Variants in RIT2 observed in about 807,000 individuals in gnomAD.
The protein encoded by RIT2 is Ras like without CAAX 2.
Under a neutral mutation model 23.7 loss-of-function variants are expected in RIT2, and 24 were observed. That is an observed-to-expected ratio of 1.01 (90% CI 0.73 to 1.43). The LOEUF is 1.43. RIT2 is among the 40% of genes most tolerant of loss of function. The pLI, the probability that RIT2 is intolerant of heterozygous loss-of-function variation, is 0.00. For synonymous variants in RIT2, 107 were observed against 91.1 expected, an observed-to-expected ratio of 1.17 and a Z score of -0.99; for missense variants, 236 against 266.9, an observed-to-expected ratio of 0.88 and a Z score of 0.81.
chr18:42,777,132 G>T (rs992695984), intron 4 of RIT2, among the ~76,000 whole-genome samples: 1 of 152,044 alleles, frequency 6.6e-6, no homozygotes, highest in South Asian at 2.1e-4. Context: ...TGAATAATGT[G>T]CTATTTACTG....
intron 1 of RIT2, among the ~76,000 whole-genome samples, chr18:43,096,184 C>T (rs1354125800): frequency 2.0e-5 from 3 of 151,854 alleles, no homozygotes; most frequent in Non-Finnish European, 4.4e-5. Flanking sequence ...AAGAAATCCA[C>T]GAAAGCACAT....
intron 1 of RIT2, among the ~76,000 whole-genome samples, chr18:43,042,445 AC>A (rs1394086761): frequency 6.6e-6 from 1 of 151,978 alleles, no homozygotes; most frequent in Non-Finnish European, 1.5e-5. Context: ...TTTCAGTAAC[AC>A]CCTTTCCCAA....
rs192677193 is a variant in RIT2, at chr18:43,105,579, A to G, written c.103+9838T>C. On this transcript the variant is annotated intron_variant, in intron 1 of 4. Coordinates refer to ENST00000326695, the MANE Select transcript of RIT2 (RefSeq NM_002930.4). Reference sequence around the variant, plus strand: ...ATATAATCTATAGTTTTTATTTAGTATTTTCCAATGTCATCTACCCAGCAA... The same window carrying G: ...ATATAATCTATAGTTTTTATTTAGTGTTTTCCAATGTCATCTACCCAGCAA... Among the ~76,000 whole-genome samples, 106 of 150,436 alleles carry G rather than the reference A, an allele frequency of 7.0e-4. 1 individual carries two copies. The highest frequency in any genetic ancestry group is 2.7e-3 in the Admixed American group (40 of 14,878).
At chr18:42,758,497 T>TTC (rs1913219047) in intron 4 of RIT2, among the ~76,000 whole-genome samples, 1 of 151,496 alleles carries the variant, frequency 6.6e-6, no homozygotes. Context: ...CTTTTTTTTT[T>TTC]TGATAACCCT....
At chr18:42,980,789 A>G (rs1408207803) in intron 2 of RIT2, among the ~76,000 whole-genome samples, 6 of 152,094 alleles carry the variant, frequency 3.9e-5, no homozygotes, top group African/African-American at 1.4e-4. Flanking sequence ...GGAAGATGTC[A>G]TTTTAAACAA....
intron 4 of RIT2, among the ~76,000 whole-genome samples, chr18:42,886,659 T>C (rs923999253): frequency 6.8e-4 from 103 of 152,330 alleles, no homozygotes; most frequent in African/African-American, 2.3e-3. Context: ...GGCAGATTAT[T>C]TTGTAGCACA....
At chr18:43,064,549 T>G (rs796679735) in intron 1 of RIT2, among the ~76,000 whole-genome samples, 15 of 152,184 alleles carry the variant, frequency 9.9e-5, no homozygotes, top group African/African-American at 3.4e-4. Context: ...GGCAGACAGG[T>G]CTCCATAAAA....
chr18:42,876,506 C>T (rs1250501970), intron 4 of RIT2, among the ~76,000 whole-genome samples: 1 of 151,758 alleles, frequency 6.6e-6, no homozygotes, highest in Non-Finnish European at 1.5e-5. Context: ...TGCCTCTTTG[C>T]TCTCCTTGGT....
Position 42,992,309 on chromosome 18 carries a change from G to A in RIT2, c.161-18162C>T, listed in dbSNP as rs144671464. ...CAAATAGCCAGAAAACAGCACTTTCGTTTTTTCCATCCTAGAAGATCTAAA... is the reference window on the plus strand; with the variant it reads ...CAAATAGCCAGAAAACAGCACTTTCATTTTTTCCATCCTAGAAGATCTAAA... On this transcript the variant is annotated intron_variant, in intron 2 of 4. Transcript: ENST00000326695. Among the ~76,000 whole-genome samples, 47 of 152,086 alleles carry A rather than the reference G, an allele frequency of 3.1e-4. 1 individual carries two copies. Among genetic ancestry groups the A allele is most frequent in the African/African-American group, 6.5e-4 (27 of 41,406 alleles).
chr18:43,094,122 T>TG (rs1555657835), intron 1 of RIT2, among the ~76,000 whole-genome samples: 1 of 85,646 alleles, frequency 1.2e-5, no homozygotes, highest in South Asian at 3.9e-4. Flanking sequence ...GGGTTTTTTT[T>TG]GTTTTTTTTT....
chr18:42,961,494 T>C (rs1910092447), intron 3 of RIT2, among the ~76,000 whole-genome samples: 1 of 152,204 alleles, frequency 6.6e-6, no homozygotes, highest in Admixed American at 6.5e-5. Flanking sequence ...ACTCTAGTAC[T>C]ATCCTCTGAT....
At chr18:42,992,253 CTTG>C (rs957133185) in intron 2 of RIT2, among the ~76,000 whole-genome samples, 5 of 152,186 alleles carry the variant, frequency 3.3e-5, no homozygotes, top group Admixed American at 2.6e-4. Context: ...TACAATGTCA[CTTG>C]ACCCCAATAC....
chr18:42,843,073 T>C (rs543868042), intron 4 of RIT2, among the ~76,000 whole-genome samples: 1 of 152,312 alleles, frequency 6.6e-6, no homozygotes, highest in East Asian at 1.9e-4. Context: ...CTTCTAAGCA[T>C]TGGGAATATA....
intron 1 of RIT2, among the ~76,000 whole-genome samples, chr18:43,075,127 A>C (rs1436206870): frequency 6.6e-6 from 1 of 152,204 alleles, no homozygotes; most frequent in Non-Finnish European, 1.5e-5. Context: ...TAAATTATTT[A>C]TTATTTTGAG....
Position 42,943,322 on chromosome 18 carries a change from A to G in RIT2, c.235-19559T>C, listed in dbSNP as rs117602572. Among the ~76,000 whole-genome samples the G allele has an allele frequency of 3.3e-4, 50 of 152,148 alleles. No individual in the cohort carries two copies. The East Asian group carries it at 7.8e-3, about 24-fold the overall frequency. On this transcript the variant is annotated intron_variant, in intron 3 of 4. Transcript: ENST00000326695. ...GCATTTTCCAATCCTCTTGCTAGCT[A>G]TGGAGCACTGATTGGTGTGTTTTTA...
chr18:43,000,612 C>T (rs72899249), intron 2 of RIT2, among the ~76,000 whole-genome samples: 7,068 of 151,980 alleles, frequency 0.047, 207 homozygotes, highest in Middle Eastern at 0.14. Flanking sequence ...GAGAAAGGGA[C>T]GTGGTGGGAG....
intron 4 of RIT2, among the ~76,000 whole-genome samples, chr18:42,837,870 C>T (rs2144019504): frequency 6.6e-6 from 1 of 152,118 alleles, no homozygotes; most frequent in South Asian, 2.1e-4. Flanking sequence ...TTTCTGTCTA[C>T]ACAGTACCAA....
chr18:42,975,742 C>A (rs1458837320), intron 2 of RIT2, among the ~76,000 whole-genome samples: 1 of 152,002 alleles, frequency 6.6e-6, no homozygotes, highest in African/African-American at 2.4e-5. Flanking sequence ...TCACAACTTC[C>A]TGCCTAGATT....
At chr18:42,787,223 T>C (rs1338377719) in intron 4 of RIT2, among the ~76,000 whole-genome samples, 1 of 145,220 alleles carries the variant, frequency 6.9e-6, no homozygotes, top group Non-Finnish European at 1.5e-5. Context: ...AATGAGAACA[T>C]GCGGTGTTTG....
Sources: allele counts gnomAD v4.1 joint callset (sites outside exome capture counted in the v4.1 genomes callset), GRCh38; gene constraint gnomAD v4.1.1; transcripts MANE v1.5; gene names NCBI Gene and HGNC (gene_info 2026-07-23, HGNC 2026-07-21).